Variants in PLB1 observed in about 807,000 individuals in gnomAD.
The protein encoded by PLB1 is phospholipase B1, also known as phospholipase B1, membrane-associated.
PLB1 carries 242 observed loss-of-function variants against 227.4 expected under a neutral mutation model. The observed-to-expected ratio is 1.06, with a 90% CI of 0.96 to 1.18. The LOEUF is 1.18. Among genes scored for constraint, PLB1 ranks in the 50% most tolerant of loss-of-function variants. PLB1 has a pLI of 0.00. For missense variants in PLB1, 1,858 were observed against 1,816.3 expected, an observed-to-expected ratio of 1.02 and a Z score of -0.42; for synonymous variants, 757 against 682.2, an observed-to-expected ratio of 1.11 and a Z score of -1.71.
intron 43 of PLB1, among the ~76,000 whole-genome samples, chr2:28,608,201 T>C (rs531639322): frequency 4.6e-5 from 7 of 152,342 alleles, no homozygotes; most frequent in South Asian, 2.1e-4. Flanking sequence ...CTAAGCAACA[T>C]TGGAGCCCAT....
intron 4 of PLB1, among the ~76,000 whole-genome samples, chr2:28,523,748 T>C (rs1224125419): frequency 1.3e-5 from 2 of 152,198 alleles, no homozygotes; most frequent in South Asian, 2.1e-4. Flanking sequence ...AAATTGATGG[T>C]CCTAAGTGAC....
rs1670085873 is a variant in PLB1, at chr2:28,525,264, C to T, written c.244-3C>T. On this transcript the variant is annotated splice_region_variant and splice_polypyrimidine_tract_variant and intron_variant, in intron 4 of 57. Transcript: ENST00000327757. ...GGGTGTTAACATTGAGTATCTATTC[C>T]AGCCTCCAGACCCAGGGACGGGCGA... 1.2e-6 allele frequency: 2 copies of T among 1,613,106 alleles called. No individual in the cohort carries two copies. Among genetic ancestry groups the T allele is most frequent in the Admixed American group, 3.3e-5 (2 of 59,954 alleles).
At chr2:28,633,964 A>G (rs1047191912) in intron 56 of PLB1, among the ~76,000 whole-genome samples, 3 of 152,166 alleles carry the variant, frequency 2.0e-5, no homozygotes, top group African/African-American at 7.2e-5. Flanking sequence ...CCGCTGTGCA[A>G]ACGTTCCCAC....
At chr2:28,628,245 G>T (rs1197948399) in intron 51 of PLB1, among the ~76,000 whole-genome samples, 1 of 152,232 alleles carries the variant, frequency 6.6e-6, no homozygotes, top group Admixed American at 6.5e-5. Flanking sequence ...GCTGAGGTCA[G>T]ATGACGGATG....
intron 21 of PLB1, among the ~76,000 whole-genome samples, chr2:28,577,064 T>G (rs961208486): frequency 6.6e-6 from 1 of 152,178 alleles, no homozygotes; most frequent in African/African-American, 2.4e-5. Context: ...TGTAAGTTCT[T>G]TATATGGCAC....
rs1027616097 is a variant in PLB1, at chr2:28,615,021, G to A, written c.3195+925G>A. ...GCTCTGAGGAGCGTGATGGGGCTGG[G>A]GCAAGGGAGGCAAATTCAGGTGCAC... On this transcript the variant is annotated intron_variant, in intron 44 of 57. Coordinates refer to ENST00000327757, the MANE Select transcript of PLB1 (RefSeq NM_153021.5). Among the ~76,000 whole-genome samples the A allele has an allele frequency of 3.3e-5, 5 of 152,136 alleles. No homozygotes were observed. The South Asian group carries it at 1.0e-3, about 32-fold the overall frequency.
chr2:28,545,152 CAG>C (rs906261491), intron 14 of PLB1, among the ~76,000 whole-genome samples: 3 of 152,176 alleles, frequency 2.0e-5, no homozygotes, highest in Non-Finnish European at 2.9e-5. Flanking sequence ...GCCTGCGACA[CAG>C]AGAGTGTCAC....
Position 28,540,381 on chromosome 2 carries a change from C to T in PLB1, c.714C>T (p.Pro238=). The T allele has an allele frequency of 6.2e-7, 1 of 1,614,050 alleles. No homozygotes were observed. The highest frequency in any genetic ancestry group is 8.5e-7 in the Non-Finnish European group (1 of 1,179,994). ...HGTWLSPAPE[P]CNCSEETTRL... ...TAACCTGCAGCCCTGCACCAGAGCC[C>T]TGTAATTGCTCAGAGGAGACCACCC... Residue 238 remains proline, a synonymous_variant, in exon 12 of 58, where the codon CCC becomes CCT. Coordinates refer to ENST00000327757, the MANE Select transcript of PLB1 (RefSeq NM_153021.5).
At chr2:28,591,065 A>T (rs1363255470) in intron 29 of PLB1, 68 bp from the exon 30 acceptor site, 1 of 1,593,606 alleles carries the variant, frequency 6.3e-7, no homozygotes, top group Non-Finnish European at 8.6e-7. Flanking sequence ...GCCGACACTT[A>T]ACTGAGTGCT....
chr2:28,643,001 G>A lies in PLB1; in HGVS notation c.4317G>A (p.Arg1439=). ...GCATCATCGGGACAGTGGTCTGGAG[G>A]TGCAGGAGAGGTGGCCGGAGGGAAG... ...VVGIIGTVVW[R]CRRGGRREDP... is the part of the protein sequence containing the mutation. Residue 1439 remains arginine (R), a synonymous_variant, in exon 58 of 58, where the codon AGG becomes AGA. Coordinates refer to ENST00000327757, the MANE Select transcript of PLB1 (RefSeq NM_153021.5). 1 of 1,611,284 alleles carries A rather than the reference G, an allele frequency of 6.2e-7. No homozygotes were observed. The highest frequency in any genetic ancestry group is 8.5e-7 in the Non-Finnish European group (1 of 1,178,986).
chr2:28,610,237 A>G (rs1232511480), intron 43 of PLB1, among the ~76,000 whole-genome samples: 2 of 151,870 alleles, frequency 1.3e-5, no homozygotes, highest in Non-Finnish European at 2.9e-5. Context: ...TGCATTAGGT[A>G]TTTGTCCTAA....
intron 14 of PLB1, among the ~76,000 whole-genome samples, chr2:28,547,219 A>AAAAAAAAAAAAAAAAG (rs1673426656): frequency 1.1e-5 from 1 of 88,096 alleles, no homozygotes. Flanking sequence ...AAAAAAAAGA[A>AAAAAAAAAAAAAAAAG]AAAAAAAAAA....
At chr2:28,615,758 G>A (rs1534479) in intron 44 of PLB1, among the ~76,000 whole-genome samples, 88,737 of 152,104 alleles carry the variant, frequency 0.58, 26,644 homozygotes, top group East Asian at 0.88. Flanking sequence ...TCGGTAGACA[G>A]TGGTGAGCCG....
At chr2:28,543,134 A>C in intron 13 of PLB1, 78 bp from the exon 14 acceptor site, 2 of 1,456,182 alleles carry the variant, frequency 1.4e-6, no homozygotes, top group Non-Finnish European at 1.9e-6. Context: ...TATGCCAGAG[A>C]GAGCTTCAAA....
Position 28,541,733 on chromosome 2 carries a change from C to T in PLB1, c.801C>T (p.Ser267=). 6.2e-7 allele frequency: 1 copy of T among 1,614,034 alleles called. No individual in the cohort carries two copies. Among genetic ancestry groups the T allele is most frequent in the Non-Finnish European group, 8.5e-7 (1 of 1,180,004 alleles). Residue 267 remains serine (S), a synonymous_variant, in exon 13 of 58, where the codon TCC becomes TCT. Coordinates refer to ENST00000327757, the MANE Select transcript of PLB1 (RefSeq NM_153021.5). ...AAGCCTGGAACAGCCTCCTGGCCTC[C>T]AGCAGGTACAGTGAGCAGGAGTCCT... ...YQEAWNSLLA[S]SRYSEQESFT... is the part of the protein sequence containing the mutation.
At chr2:28,551,101 C>A (rs1385576661) in intron 16 of PLB1, among the ~76,000 whole-genome samples, 1 of 152,262 alleles carries the variant, frequency 6.6e-6, no homozygotes, top group Non-Finnish European at 1.5e-5. Flanking sequence ...AAGACAGATT[C>A]TTCTGACCCT....
At chr2:28,539,525 A>C (rs1672171532) in intron 11 of PLB1, among the ~76,000 whole-genome samples, 1 of 152,214 alleles carries the variant, frequency 6.6e-6, no homozygotes, top group African/African-American at 2.4e-5. Context: ...AATTGGATAG[A>C]AAAACGTAGC....
chr2:28,532,227 A>G (rs777228691), intron 9 of PLB1, 33 bp downstream of exon 9: 1 of 1,557,618 alleles, frequency 6.4e-7, no homozygotes, highest in Non-Finnish European at 8.8e-7. Context: ...AAGGGATTAC[A>G]GATGCTGGGG....
intron 35 of PLB1, among the ~76,000 whole-genome samples, chr2:28,599,107 A>T (rs1373816025): frequency 6.6e-6 from 1 of 152,230 alleles, no homozygotes; most frequent in Admixed American, 6.5e-5. Flanking sequence ...ACAAGTGGCA[A>T]TTTCCCAAAA....
Sources: gnomAD v4.1 joint callset for allele counts (sites outside exome capture counted in the v4.1 genomes callset) on GRCh38, gnomAD v4.1.1 for gene constraint, MANE v1.5 for transcripts, NCBI Gene and HGNC (gene_info 2026-07-23, HGNC 2026-07-21) for gene names.